Variants in DNM2 observed in about 807,000 individuals in gnomAD.
DNM2 encodes dynamin 2, also known as dynamin-2.
In DNM2, 15 loss-of-function variants were observed where a neutral mutation model predicts 99.0. The ratio of observed to expected loss-of-function variants is 0.15; its 90% CI spans 0.10 to 0.23. The LOEUF is 0.23. Among genes scored for constraint, DNM2 ranks in the 10% least tolerant of loss-of-function variants. The pLI, the probability that DNM2 is intolerant of heterozygous loss-of-function variation, is 1.00. For synonymous variants in DNM2, 525 were observed against 481.2 expected, an observed-to-expected ratio of 1.09 and a Z score of -1.19; for missense variants, 742 against 1,189.4, an observed-to-expected ratio of 0.62 and a Z score of 5.53.
intron 15 of DNM2, among the ~76,000 whole-genome samples, chr19:10,819,467 C>T (rs980739616): frequency 6.6e-6 from 1 of 152,198 alleles, no homozygotes; most frequent in African/African-American, 2.4e-5. Flanking sequence ...GTTCCATTCA[C>T]TTCGTGCAAG....
At chr19:10,743,984 C>CA (rs1491572930) in intron 1 of DNM2, among the ~76,000 whole-genome samples, 1 of 139,136 alleles carries the variant, frequency 7.2e-6, no homozygotes, top group African/African-American at 2.9e-5. Flanking sequence ...AGACTGTTTC[C>CA]AGAAAAAAAA....
intron 15 of DNM2, among the ~76,000 whole-genome samples, chr19:10,819,735 AGCCCGGTCGTCCGAAGGCC>A (rs2072908623): frequency 3.3e-5 from 5 of 152,194 alleles, no homozygotes; most frequent in Non-Finnish European, 5.9e-5. Flanking sequence ...ATCAGGCAGT[AGCCCGGTCGTCCGAAGGCC>A]CTGGGGTAGG....
At chr19:10,808,006 G>C (rs2072411025) in intron 13 of DNM2, among the ~76,000 whole-genome samples, 2 of 150,440 alleles carry the variant, frequency 1.3e-5, no homozygotes. Flanking sequence ...AGCCTGGCAT[G>C]ATGGTGGGTG....
chr19:10,819,444 A>G (rs528730745), intron 15 of DNM2, among the ~76,000 whole-genome samples: 1 of 152,272 alleles, frequency 6.6e-6, no homozygotes, highest in Admixed American at 6.5e-5. Context: ...TCAAAGATGG[A>G]GCCCAGATAA....
chr19:10,746,782 G>A (rs1568276408), intron 1 of DNM2, among the ~76,000 whole-genome samples: 1 of 133,744 alleles, frequency 7.5e-6, no homozygotes, highest in Non-Finnish European at 1.5e-5. Context: ...AGGCTGGAGT[G>A]CAATGGCATG....
rs774089060 is a variant in DNM2 at position 10,775,863 on chromosome 19, C to G, written c.546C>G (p.Ala182=). ...LAVTPANMDL[A]NSDALKLAKE... Reference sequence around the variant, plus strand: ...TCACGCCCGCCAACATGGACCTGGCCAACTCCGACGCCCTCAAGCTGGCCA... The same window carrying G: ...TCACGCCCGCCAACATGGACCTGGCGAACTCCGACGCCCTCAAGCTGGCCA... The change falls in exon 4 of 21, where the codon GCC becomes GCG. Residue 182 remains alanine (A), a synonymous_variant. Transcript: ENST00000389253. This position sits in a 1 kb window ranked among gnomAD's most constrained non-coding sequence, Gnocchi z 4.3. The G allele has an allele frequency of 6.2e-7, 1 of 1,613,774 alleles. No homozygotes were observed. The highest frequency in any genetic ancestry group is 8.5e-7 in the Non-Finnish European group (1 of 1,180,032).
chr19:10,739,592 C>T (rs548312163), intron 1 of DNM2, among the ~76,000 whole-genome samples: 18 of 152,196 alleles, frequency 1.2e-4, no homozygotes, highest in African/African-American at 2.6e-4. Context: ...CAGTGGCGCA[C>T]GCCTGTAATC....
chr19:10,803,765 G>A lies in DNM2; in HGVS notation c.1493+1407G>A, dbSNP rs147266367. On this transcript the variant is annotated intron_variant, in intron 12 of 20. Transcript: ENST00000389253. ...CCTGGGTGGGACATCCCTGGGGCCC[G>A]CTGAAGAGCTACGGGGTGCTCTCTC... 1.3e-3 allele frequency: 1,193 copies of A among 887,696 alleles called. 9 individuals carry two copies. In the African/African-American group the frequency reaches 0.02, roughly 15 times the overall value. The allele number at this position is 887,696 out of a possible 1,614,324, so 55.0% of individuals were successfully genotyped here. A position where few individuals can be genotyped will look rare whatever the true frequency, so the allele number is the denominator to read the frequency against.
At position 10,812,767 on chromosome 19, in the gene DNM2, A is replaced by T. The variant is rs2072598065; in HGVS notation, c.1671+390A>T. Among the ~76,000 whole-genome samples, 1 of 152,164 alleles carries T rather than the reference A, an allele frequency of 6.6e-6. No homozygotes were observed. Among genetic ancestry groups the T allele is most frequent in the African/African-American group, 2.4e-5 (1 of 41,438 alleles). On this transcript the variant is annotated intron_variant, in intron 15 of 20. Coordinates refer to ENST00000389253, the MANE Select transcript of DNM2 (RefSeq NM_001005361.3). This position sits in a 1 kb window ranked among gnomAD's most constrained non-coding sequence, Gnocchi z 4.0. ...GCGCCACTGCACTCCAGCCTGGGCGAGAGAGCGAGACTCCATCTCAAAATA... is the reference window on the plus strand; with the variant it reads ...GCGCCACTGCACTCCAGCCTGGGCGTGAGAGCGAGACTCCATCTCAAAATA...
chr19:10,736,028 G>A (rs1203590447), intron 1 of DNM2, among the ~76,000 whole-genome samples: 1 of 151,986 alleles, frequency 6.6e-6, no homozygotes, highest in East Asian at 1.9e-4. Flanking sequence ...CTAACACTTT[G>A]GAGGCAGGTG....
At chr19:10,798,790 C>T (rs1372124354) in intron 11 of DNM2, among the ~76,000 whole-genome samples, 1 of 151,904 alleles carries the variant, frequency 6.6e-6, no homozygotes, top group Non-Finnish European at 1.5e-5. Context: ...AGAGCGGTTC[C>T]GTCACCTCCT....
intron 1 of DNM2, among the ~76,000 whole-genome samples, chr19:10,746,717 C>CTTTTTTTTTTTTTT (rs1279869201): frequency 9.7e-6 from 1 of 103,192 alleles, no homozygotes; most frequent in African/African-American, 4.2e-5. Context: ...ACCGTGCCGG[C>CTTTTTTTTTTTTTT]TTTTTTTTTG....
At chr19:10,822,187 C>CTTTTT (rs1245880128) in intron 16 of DNM2, among the ~76,000 whole-genome samples, 3 of 140,574 alleles carry the variant, frequency 2.1e-5, no homozygotes, top group Non-Finnish European at 3.1e-5. Context: ...TTTTCTTTTT[C>CTTTTT]TTTTTTTTTT....
intron 1 of DNM2, among the ~76,000 whole-genome samples, chr19:10,722,326 C>T (rs189259001): frequency 3.9e-5 from 6 of 152,246 alleles, no homozygotes; most frequent in Non-Finnish European, 8.8e-5. Context: ...GAGTTTGAGA[C>T]CCCTGGCTTG....
intron 6 of DNM2, among the ~76,000 whole-genome samples, chr19:10,783,675 T>TTTA (rs374887052): frequency 0.014 from 1,924 of 141,308 alleles, 26 homozygotes; most frequent in South Asian, 0.02. Context: ...CTCTTTTTTA[T>TTTA]TTATTATTAT....
intron 5 of DNM2, among the ~76,000 whole-genome samples, chr19:10,779,502 C>CTTTCTTTTTTTTTTTTTTTTTTT (rs1290878626): frequency 6.8e-5 from 2 of 29,626 alleles, no homozygotes; most frequent in Non-Finnish European, 1.2e-4. Flanking sequence ...TTCTTTCTTT[C>CTTTCTTTTTTTTTTTTTTTTTTT]TTTTTTTTTT....
intron 12 of DNM2, among the ~76,000 whole-genome samples, chr19:10,802,884 G>A (rs895711616): frequency 2.0e-5 from 3 of 152,208 alleles, no homozygotes; most frequent in East Asian, 1.9e-4. Context: ...GCAGGATGTC[G>A]ATTCAGTGTG....
chr19:10,744,274 T>C (rs1191662129), intron 1 of DNM2, among the ~76,000 whole-genome samples: 2 of 152,102 alleles, frequency 1.3e-5, no homozygotes, highest in South Asian at 2.1e-4. Flanking sequence ...AGACTTGGCC[T>C]CAGGACATTA....
In DNM2 at chr19:10,830,911, GGCCT is replaced by G; in HGVS notation, c.2544-62_2544-59del. 6.5e-7 allele frequency: 1 copy of G among 1,547,194 alleles called. No individual in the cohort carries two copies. The highest frequency in any genetic ancestry group is 8.8e-7 in the Non-Finnish European group (1 of 1,142,220). ...GGGTGGGGGCTGGGTCCTCAACCCAGGCCTGCCTCTTGCTCCCGGCCTCACTGCC... is the reference window on the plus strand; with the variant it reads ...GGGTGGGGGCTGGGTCCTCAACCCAGGCCTCTTGCTCCCGGCCTCACTGCC... On this transcript the variant is annotated intron_variant, in intron 20 of 20. Coordinates refer to ENST00000389253, the MANE Select transcript of DNM2 (RefSeq NM_001005361.3). This position sits in a 1 kb window ranked among gnomAD's most constrained non-coding sequence, Gnocchi z 4.8.
Sources: gnomAD v4.1 joint callset for allele counts (sites outside exome capture counted in the v4.1 genomes callset) on GRCh38, gnomAD v4.1.1 for gene constraint, Gnocchi (gnomAD v3.1) non-coding constraint, MANE v1.5 for transcripts, NCBI Gene and HGNC (gene_info 2026-07-23, HGNC 2026-07-21) for gene names.